DLG2: variants seen among roughly 807,000 people sequenced by gnomAD.
DLG2 encodes the protein discs large MAGUK scaffold protein 2.
Under a neutral mutation model 132.5 loss-of-function variants are expected in DLG2, and 45 were observed. The ratio of observed to expected loss-of-function variants is 0.34; its 90% CI spans 0.27 to 0.44. The LOEUF (loss-of-function observed/expected upper bound fraction) is 0.44. DLG2 is among the 20% of genes least tolerant of loss of function. The pLI is 1.00. For synonymous variants in DLG2, 424 were observed against 419.6 expected (o/e 1.01, Z -0.13); for missense variants, 1,045 against 1,196.9 (o/e 0.87, Z 1.87).
At chr11:85,045,151 C>T (rs760511872) in intron 6 of DLG2, among the ~76,000 whole-genome samples, 5 of 152,008 alleles carry the variant, frequency 3.3e-5, no homozygotes, top group Non-Finnish European at 5.9e-5. Flanking sequence ...CTCCAAGGGT[C>T]TGATCTTCCT....
intron 18 of DLG2, among the ~76,000 whole-genome samples, chr11:83,746,676 T>G (rs1320819475): frequency 6.6e-6 from 1 of 152,122 alleles, no homozygotes; most frequent in Non-Finnish European, 1.5e-5. Context: ...TGTATACATA[T>G]GTAACAAACC....
intron 18 of DLG2, among the ~76,000 whole-genome samples, chr11:83,713,126 C>T (rs1285031359): frequency 1.3e-5 from 2 of 152,104 alleles, no homozygotes; most frequent in Admixed American, 1.3e-4. Flanking sequence ...TGTTTTCCTC[C>T]TTTAATCTTT....
intron 6 of DLG2, among the ~76,000 whole-genome samples, chr11:84,816,919 C>G (rs920474371): frequency 6.6e-6 from 1 of 151,920 alleles, no homozygotes; most frequent in African/African-American, 2.4e-5. Flanking sequence ...TGGTCTTTGC[C>G]AAGTCATCTA....
At chr11:84,714,575 CTTTCTCTTTCTCTT>C (rs1565748571) in intron 6 of DLG2, among the ~76,000 whole-genome samples, 2 of 131,340 alleles carry the variant, frequency 1.5e-5, no homozygotes, top group Admixed American at 7.4e-5. Flanking sequence ...TTCTCTTTCT[CTTTCTCTTTCTCTT>C]TCTCTTTCTT....
intron 6 of DLG2, among the ~76,000 whole-genome samples, chr11:85,087,518 T>C (rs1449847305): frequency 6.6e-6 from 1 of 152,170 alleles, no homozygotes; most frequent in African/African-American, 2.4e-5. Flanking sequence ...AAGACTGTCA[T>C]GCCATGAACT....
At chr11:83,513,948 G>T (rs2140082089) in intron 21 of DLG2, among the ~76,000 whole-genome samples, 1 of 152,320 alleles carries the variant, frequency 6.6e-6, no homozygotes, top group South Asian at 2.1e-4. Flanking sequence ...AGTATAGTTT[G>T]AAGTCAGGTA....
chr11:83,928,467 T>C (rs765949557), intron 15 of DLG2, among the ~76,000 whole-genome samples: 1 of 151,850 alleles, frequency 6.6e-6, no homozygotes, highest in African/African-American at 2.4e-5. Context: ...CAATGTAACT[T>C]TTACATTCAT....
At chr11:84,003,454 A>G (rs1475433581) in intron 11 of DLG2, among the ~76,000 whole-genome samples, 1 of 152,182 alleles carries the variant, frequency 6.6e-6, no homozygotes, top group African/African-American at 2.4e-5. Flanking sequence ...TTTATAAAGG[A>G]AAGAAGTTTA....
At chr11:85,595,064 CAAAAAAAAAAA>C (rs947518185) in intron 3 of DLG2, among the ~76,000 whole-genome samples, 1 of 58,224 alleles carries the variant, frequency 1.7e-5, no homozygotes, top group African/African-American at 5.3e-5. Context: ...GACTCTGTCT[CAAAAAAAAAAA>C]AAAAAAAAAA....
chr11:83,980,540 T>C lies in DLG2; in HGVS notation c.1022A>G (p.Asp341Gly). 1.2e-6 allele frequency: 2 copies of C among 1,613,862 alleles called. No individual in the cohort carries two copies. The highest frequency in any genetic ancestry group is 1.3e-5 in the African/African-American group (1 of 75,016). ...KIIDGGAAQK[D>G]GRLQVGDRLL... Reference sequence around the variant, plus strand: ...TCTATCTCCTACTTGCAACCTTCCATCTTTTTGTGCAGCTCCTCCATCTAT... The same window carrying C: ...TCTATCTCCTACTTGCAACCTTCCACCTTTTTGTGCAGCTCCTCCATCTAT... The change falls in exon 12 of 28, where the codon GAT becomes GGT. Residue 341 changes from aspartate to glycine, a missense_variant. By Grantham distance (94) the Asp-to-Gly change is moderately conservative (BLOSUM62 -1). Around this residue, in one of 4 missense-constraint regions of DLG2, gnomAD observed 261 missense variants for 256.1 expected, o/e 1.02. Coordinates refer to ENST00000376104, the MANE Select transcript of DLG2 (RefSeq NM_001142699.3).
At chr11:85,627,718 C>A (rs1358043684), upstream of DLG2, 1 of 152,314 alleles carries the variant, frequency 6.6e-6, no homozygotes, top group Non-Finnish European at 1.5e-5. Context: ...CAAGACATTT[C>A]TTTGCCACCG....
chr11:85,083,180 A>G (rs1318244000), intron 6 of DLG2, among the ~76,000 whole-genome samples: 1 of 152,106 alleles, frequency 6.6e-6, no homozygotes, highest in Non-Finnish European at 1.5e-5. Flanking sequence ...AGGGAGTAAA[A>G]CTGCAGAAAA....
rs370811877 is a variant in DLG2, at chr11:84,310,121, A to T, written c.520-58830T>A. On this transcript the variant is annotated intron_variant, in intron 7 of 27. Transcript: ENST00000376104. ...CTGCAGGGGAATGCCAGTACTCCCA[A>T]CCATGTAGAACATCCCAATGCATTA... Among the ~76,000 whole-genome samples the T allele has an allele frequency of 4.4e-4, 67 of 152,332 alleles. 1 individual carries two copies. The South Asian group carries it at 0.013, about 30-fold the overall frequency.
At position 84,146,887 on chromosome 11, in the gene DLG2, C is replaced by A. The variant is rs192108517; in HGVS notation, c.624+16574G>T. On this transcript the variant is annotated intron_variant, in intron 9 of 27. Transcript: ENST00000376104. ...CAGTTTTCTCTTTCTCCTTCTTTCC[C>A]TCTCTCTCATCTCCAGTCTCTAGCT... Among the ~76,000 whole-genome samples, 9 of 151,976 alleles carry A rather than the reference C, an allele frequency of 5.9e-5. No individual in the cohort carries two copies. The East Asian group carries it at 1.7e-3, about 29-fold the overall frequency.
intron 6 of DLG2, among the ~76,000 whole-genome samples, chr11:84,791,902 T>C (rs924452239): frequency 1.1e-4 from 16 of 152,206 alleles, no homozygotes; most frequent in Non-Finnish European, 1.9e-4. Flanking sequence ...TATCTGCTTT[T>C]CCAACTTGAA....
chr11:84,235,760 T>G (rs1470503328), intron 8 of DLG2, among the ~76,000 whole-genome samples: 1 of 152,164 alleles, frequency 6.6e-6, no homozygotes, highest in East Asian at 1.9e-4. Context: ...TTATTACAAC[T>G]ACCGAGAGGC....
intron 26 of DLG2, among the ~76,000 whole-genome samples, chr11:83,463,185 T>G (rs1159878772): frequency 6.6e-6 from 1 of 152,118 alleles, no homozygotes; most frequent in Non-Finnish European, 1.5e-5. Flanking sequence ...AAGGTTTTGG[T>G]TTTTTAAACC....
intron 6 of DLG2, among the ~76,000 whole-genome samples, chr11:84,586,619 T>G (rs530693122): frequency 6.6e-6 from 1 of 152,264 alleles, no homozygotes; most frequent in Non-Finnish European, 1.5e-5. Flanking sequence ...GTATGAATAT[T>G]GTTATATTTG....
intron 18 of DLG2, among the ~76,000 whole-genome samples, chr11:83,668,807 ATG>A (rs2076281530): frequency 2.4e-5 from 2 of 83,294 alleles, no homozygotes; most frequent in South Asian, 3.9e-4. Flanking sequence ...ACACATATAT[ATG>A]TGTATATAAA....
Sources: allele counts gnomAD v4.1 joint callset (sites outside exome capture counted in the v4.1 genomes callset), GRCh38; gene constraint gnomAD v4.1.1; regional missense constraint gnomAD v4.1.1; transcripts MANE v1.5; gene names NCBI Gene and HGNC (gene_info 2026-07-23, HGNC 2026-07-21).